The following GALNT17 variants were observed in gnomAD, a reference collection of about 807,000 sequenced individuals.
GALNT17 encodes polypeptide N-acetylgalactosaminyltransferase 17.
A neutral mutation model predicts 63.7 loss-of-function variants in GALNT17; 29 were observed. The ratio of observed to expected loss-of-function variants is 0.46; its 90% CI spans 0.34 to 0.62. GALNT17 has a LOEUF of 0.62. Ranked by LOEUF, GALNT17 falls within the 20% of genes least tolerant of loss-of-function variation. The probability of loss-of-function intolerance (pLI) is 0.01; values close to 1 mark genes in which losing one functional copy is unlikely to be tolerated. For missense variants in GALNT17, 603 were observed against 799.6 expected, an observed-to-expected ratio of 0.75 and a Z score of 2.97; for synonymous variants, 305 against 318.3, an observed-to-expected ratio of 0.96 and a Z score of 0.45.
chr7:71,599,911 G>T (rs377201722), intron 6 of GALNT17, among the ~76,000 whole-genome samples: 1 of 151,618 alleles, frequency 6.6e-6, no homozygotes, highest in African/African-American at 2.4e-5. Flanking sequence ...TGTGTTGTAG[G>T]ATGTTTAGCA....
chr7:71,284,717 C>T (rs1005761869), intron 1 of GALNT17: 1 of 152,144 alleles, frequency 6.6e-6, no homozygotes, highest in Non-Finnish European at 1.5e-5. Context: ...CAGACCAATA[C>T]ACCAAAGTAT....
intron 2 of GALNT17, among the ~76,000 whole-genome samples, chr7:71,374,896 G>A (rs1316617173): frequency 1.4e-5 from 2 of 147,162 alleles, no homozygotes; most frequent in Non-Finnish European, 3.0e-5. Context: ...CTGGAGTGCA[G>A]TGGCGCAATC....
rs1788776221 is a variant in GALNT17 at position 71,183,650 on chromosome 7, A to C, written c.238+50610A>C. 2.0e-5 allele frequency among the ~76,000 whole-genome samples: 3 copies of C among 152,094 alleles called. No individual in the cohort carries two copies. In the South Asian group the frequency reaches 6.2e-4, roughly 32 times the overall value. ...CACACATTGCGCCTGTAATCCCAGC[A>C]CTTTGGTAGGCCAAGATGGGTGGAT... On this transcript the variant is annotated intron_variant, in intron 1 of 10. Coordinates refer to ENST00000333538, the MANE Select transcript of GALNT17 (RefSeq NM_022479.3).
intron 1 of GALNT17, among the ~76,000 whole-genome samples, chr7:71,305,871 G>A (rs1486881800): frequency 6.6e-6 from 1 of 152,128 alleles, no homozygotes; most frequent in Non-Finnish European, 1.5e-5. Flanking sequence ...TCCAGGTACC[G>A]TGGAAAGCCA....
chr7:71,521,605 G>C (rs1788532191), intron 5 of GALNT17, among the ~76,000 whole-genome samples: 1 of 152,230 alleles, frequency 6.6e-6, no homozygotes, highest in Non-Finnish European at 1.5e-5. Context: ...GCAGTTCTGA[G>C]CCAGCTGTCG....
At chr7:71,375,856 A>G (rs13231341) in intron 2 of GALNT17, among the ~76,000 whole-genome samples, 1 of 152,194 alleles carries the variant, frequency 6.6e-6, no homozygotes, top group East Asian at 1.9e-4. Flanking sequence ...GGAGGGCAGA[A>G]CACTTGAGGT....
At chr7:71,163,050 G>T (rs1316036947) in intron 1 of GALNT17, among the ~76,000 whole-genome samples, 1 of 152,232 alleles carries the variant, frequency 6.6e-6, no homozygotes, top group Admixed American at 6.5e-5. Context: ...TTTGGAGGTA[G>T]TGAGAAGTGG....
rs1050427582 is a variant in GALNT17 at position 71,263,018 on chromosome 7, C to T, written c.239-72532C>T. Among the ~76,000 whole-genome samples the T allele has an allele frequency of 3.3e-5, 5 of 152,042 alleles. No individual in the cohort carries two copies. In the South Asian group the frequency reaches 8.3e-4, roughly 25 times the overall value. The stretch of plus-strand genomic sequence containing the variant: ...TATGAGAAGAGGAAATTTGGACACA[C>T]ATGTGTGCACAGAGAGGAAAGACCA... On this transcript the variant is annotated intron_variant, in intron 1 of 10. Coordinates refer to ENST00000333538, the MANE Select transcript of GALNT17 (RefSeq NM_022479.3).
intron 2 of GALNT17, among the ~76,000 whole-genome samples, chr7:71,356,613 C>T (rs1792290796): frequency 6.6e-6 from 1 of 152,102 alleles, no homozygotes; most frequent in South Asian, 2.1e-4. Context: ...CTTGAGAACT[C>T]ACAGAGTAGA....
At chr7:71,186,026 A>C (rs1311357341) in intron 1 of GALNT17, among the ~76,000 whole-genome samples, 1 of 152,226 alleles carries the variant, frequency 6.6e-6, no homozygotes, top group Non-Finnish European at 1.5e-5. Flanking sequence ...GAATCAACAG[A>C]GATGCATTAA....
chr7:71,553,908 C>T (rs541352732), intron 5 of GALNT17, among the ~76,000 whole-genome samples: 1 of 152,304 alleles, frequency 6.6e-6, no homozygotes, highest in East Asian at 1.9e-4. Flanking sequence ...TAAATAGTGC[C>T]TGGAAGCAAG....
chr7:71,328,233 T>C (rs1791737740), intron 1 of GALNT17, among the ~76,000 whole-genome samples: 1 of 152,202 alleles, frequency 6.6e-6, no homozygotes, highest in Admixed American at 6.5e-5. Flanking sequence ...ATTGCTGTCT[T>C]TGCCATTACT....
chr7:71,570,558 A>T (rs188467368), intron 5 of GALNT17, among the ~76,000 whole-genome samples: 129 of 152,010 alleles, frequency 8.5e-4, no homozygotes, highest in Admixed American at 1.3e-3. Flanking sequence ...CCATCCCATC[A>T]CTCAGCTGTC....
At chr7:71,678,268 G>A (rs933955394) in intron 9 of GALNT17, among the ~76,000 whole-genome samples, 1 of 151,738 alleles carries the variant, frequency 6.6e-6, no homozygotes, top group Non-Finnish European at 1.5e-5. Context: ...GAGATTACAG[G>A]CTTGCACCAC....
intron 6 of GALNT17, among the ~76,000 whole-genome samples, chr7:71,632,769 T>G (rs1311526984): frequency 6.6e-6 from 1 of 152,138 alleles, no homozygotes; most frequent in Admixed American, 6.5e-5. Flanking sequence ...CACCGTGGAT[T>G]TTCTGCATGA....
intron 1 of GALNT17, among the ~76,000 whole-genome samples, chr7:71,259,983 A>G (rs1790357676): frequency 6.6e-6 from 1 of 152,250 alleles, no homozygotes; most frequent in African/African-American, 2.4e-5. Flanking sequence ...AAGGGAGCAG[A>G]GAGGATGACA....
At chr7:71,414,146 C>A (rs1035182332) in intron 3 of GALNT17, among the ~76,000 whole-genome samples, 2 of 152,076 alleles carry the variant, frequency 1.3e-5, no homozygotes, top group African/African-American at 4.8e-5. Context: ...GAGGCTGAGG[C>A]AGGAGAATCA....
chr7:71,300,454 A>G (rs1017799217), intron 1 of GALNT17: 15 of 456,138 alleles, frequency 3.3e-5, no homozygotes, highest in Non-Finnish European at 6.6e-5. Flanking sequence ...TCTTTTCAGA[A>G]TCACTGACTG....
chr7:71,287,868 A>G (rs1323223029), intron 1 of GALNT17, among the ~76,000 whole-genome samples: 2 of 151,828 alleles, frequency 1.3e-5, no homozygotes, highest in African/African-American at 4.8e-5. Flanking sequence ...CCTGGCCAAC[A>G]TGGTGAAACC....
Sources: allele counts gnomAD v4.1 joint callset (sites outside exome capture counted in the v4.1 genomes callset), GRCh38; gene constraint gnomAD v4.1.1; transcripts MANE v1.5; gene names NCBI Gene and HGNC (gene_info 2026-07-23, HGNC 2026-07-21).